Variants in AUTS2 observed in about 807,000 individuals in gnomAD.
AUTS2 encodes autism susceptibility gene 2 protein.
Under a neutral mutation model 112.4 loss-of-function variants are expected in AUTS2, and 17 were observed. The observed-to-expected ratio is 0.15, with a 90% CI of 0.10 to 0.23. AUTS2 has a LOEUF of 0.23. Among genes scored for constraint, AUTS2 ranks in the 10% least tolerant of loss-of-function variants. AUTS2 has a pLI of 1.00. For missense variants in AUTS2, 1,510 were observed against 1,701.6 expected (o/e 0.89, Z 1.98); for synonymous variants, 751 against 702.7 (o/e 1.07, Z -1.09).
At chr7:70,016,794 A>C (rs1026255653) in intron 2 of AUTS2, among the ~76,000 whole-genome samples, 3 of 151,436 alleles carry the variant, frequency 2.0e-5, no homozygotes, top group African/African-American at 7.3e-5. Flanking sequence ...CAGCCTCCCT[A>C]GTAGCTGGGA....
At chr7:70,273,459 C>G (rs1013917657) in intron 4 of AUTS2, among the ~76,000 whole-genome samples, 2 of 148,056 alleles carry the variant, frequency 1.4e-5, no homozygotes, top group Non-Finnish European at 3.0e-5. Context: ...TGGTATTATA[C>G]TACCTATAGC....
chr7:70,188,052 C>T (rs1394274178), intron 4 of AUTS2, among the ~76,000 whole-genome samples: 1 of 152,124 alleles, frequency 6.6e-6, no homozygotes, highest in Non-Finnish European at 1.5e-5. Context: ...AGTTAATTAA[C>T]AGGTGATAAA....
chr7:69,863,766 G>A (rs2129533238), intron 1 of AUTS2, among the ~76,000 whole-genome samples: 1 of 152,322 alleles, frequency 6.6e-6, no homozygotes, highest in Middle Eastern at 3.4e-3. Context: ...GAGCTGGGGA[G>A]GCTGCGTGTG....
intron 4 of AUTS2, among the ~76,000 whole-genome samples, chr7:70,295,168 C>T (rs1407270554): frequency 6.6e-6 from 1 of 152,140 alleles, no homozygotes; most frequent in African/African-American, 2.4e-5. Context: ...TTTTATGCCC[C>T]AGTTGCAAGT....
chr7:69,927,186 T>TTATATC (rs1796052058), intron 2 of AUTS2, among the ~76,000 whole-genome samples: 1 of 142,410 alleles, frequency 7.0e-6, no homozygotes, highest in Non-Finnish European at 1.5e-5. Context: ...TCCAATATAT[T>TTATATC]TATATATATA....
intron 1 of AUTS2, among the ~76,000 whole-genome samples, chr7:69,779,336 A>G (rs569952685): frequency 6.6e-6 from 1 of 152,324 alleles, no homozygotes; most frequent in African/African-American, 2.4e-5. Flanking sequence ...ATCTTTTCAC[A>G]TTGACTGCCC....
chr7:70,174,028 T>TTAACATGCC (rs1808851935), intron 4 of AUTS2, among the ~76,000 whole-genome samples: 1 of 152,176 alleles, frequency 6.6e-6, no homozygotes, highest in Non-Finnish European at 1.5e-5. Flanking sequence ...ATGATTTAGC[T>TTAACATGCC]TAGTAAGGAA....
At chr7:70,455,605 C>T (rs1164909037) in intron 5 of AUTS2, among the ~76,000 whole-genome samples, 1 of 152,098 alleles carries the variant, frequency 6.6e-6, no homozygotes, top group East Asian at 1.9e-4. Context: ...GGCACTTTGG[C>T]AATACCCTGG....
intron 1 of AUTS2, among the ~76,000 whole-genome samples, chr7:69,614,368 T>TTTCTTTCTTTTCTTTC: frequency 1.0e-3 from 20 of 19,454 alleles, no homozygotes; most frequent in African/African-American, 1.1e-3. Context: ...TTCTTTCTTT[T>TTTCTTTCTTTTCTTTC]TTTAAGAGAT....
chr7:69,957,119 G>A (rs1178907171), intron 2 of AUTS2, among the ~76,000 whole-genome samples: 6 of 147,726 alleles, frequency 4.1e-5, no homozygotes, highest in African/African-American at 1.0e-4. Context: ...GAAGCAATTC[G>A]CCTGCCTTGG....
chr7:70,525,369 A>G lies in AUTS2; in HGVS notation c.690+89588A>G, dbSNP rs543138715. Among the ~76,000 whole-genome samples, 12 of 152,304 alleles carry G rather than the reference A, an allele frequency of 7.9e-5. No homozygotes were observed. In the South Asian group the frequency reaches 2.5e-3, roughly 32 times the overall value. The stretch of plus-strand genomic sequence containing the variant: ...CCTTTCCTTGTTAGCTGGCCATTCC[A>G]TATCATGCCTTGCCCATTGAAGGGA... On this transcript the variant is annotated intron_variant, in intron 5 of 18. Transcript: ENST00000342771.
At chr7:70,682,604 T>C (rs1808266064) in intron 5 of AUTS2, among the ~76,000 whole-genome samples, 1 of 152,248 alleles carries the variant, frequency 6.6e-6, no homozygotes, top group African/African-American at 2.4e-5. Context: ...TCCTGGCATG[T>C]GCTCACCTTC....
intron 6 of AUTS2, among the ~76,000 whole-genome samples, chr7:70,722,015 C>T (rs542380827): frequency 6.6e-6 from 1 of 151,896 alleles, no homozygotes; most frequent in Admixed American, 6.5e-5. Flanking sequence ...CCAAAGTGTG[C>T]TTTTTTACAA....
At position 70,788,082 on chromosome 7, in the gene AUTS2, T is replaced by C. The variant is rs115942869; in HGVS notation, c.2531+651T>C. Among the ~76,000 whole-genome samples the C allele has an allele frequency of 8.0e-3, 1,217 of 152,314 alleles. 13 individuals are homozygous for C. The highest frequency in any genetic ancestry group is 0.028 in the African/African-American group (1,147 of 41,556). Reference sequence around the variant, plus strand: ...AAAGTAGCGTTAAACAGGGAATGTCTTGGAGTTTTTTTTCCAAAGAATATC... The same window carrying C: ...AAAGTAGCGTTAAACAGGGAATGTCCTGGAGTTTTTTTTCCAAAGAATATC... On this transcript the variant is annotated intron_variant, in intron 18 of 18. Transcript: ENST00000342771.
At chr7:70,700,992 G>A (rs1400204692) in intron 6 of AUTS2, among the ~76,000 whole-genome samples, 3 of 152,212 alleles carry the variant, frequency 2.0e-5, no homozygotes, top group Non-Finnish European at 4.4e-5. Flanking sequence ...CACAACTGGG[G>A]AAATCTTCAA....
intron 2 of AUTS2, among the ~76,000 whole-genome samples, chr7:69,923,488 C>A (rs1795892593): frequency 6.6e-6 from 1 of 152,046 alleles, no homozygotes; most frequent in African/African-American, 2.4e-5. Context: ...TTGTCAGGTT[C>A]TATAAAGAAT....
intron 1 of AUTS2, among the ~76,000 whole-genome samples, chr7:69,700,980 A>G (rs1265182260): frequency 2.0e-5 from 3 of 152,184 alleles, no homozygotes; most frequent in Non-Finnish European, 2.9e-5. Context: ...TGTGTCCTGT[A>G]AGGGTCCACA....
chr7:70,467,147 T>C (rs1797197922), intron 5 of AUTS2, among the ~76,000 whole-genome samples: 1 of 152,252 alleles, frequency 6.6e-6, no homozygotes, highest in African/African-American at 2.4e-5. Context: ...GATAAACGTC[T>C]GACTTCCACA....
intron 5 of AUTS2, among the ~76,000 whole-genome samples, chr7:70,499,878 A>G (rs1030245235): frequency 2.6e-5 from 4 of 152,212 alleles, no homozygotes; most frequent in African/African-American, 9.6e-5. Context: ...ATCCATTTCA[A>G]GAGAGATTTC....
Sources: gnomAD v4.1 joint callset for allele counts (sites outside exome capture counted in the v4.1 genomes callset) on GRCh38, gnomAD v4.1.1 for gene constraint, MANE v1.5 for transcripts, NCBI Gene and HGNC (gene_info 2026-07-23, HGNC 2026-07-21) for gene names.